NETO2: variants seen among roughly 807,000 people sequenced by gnomAD.
NETO2 encodes neuropilin and tolloid like 2.
Under a neutral mutation model 62.5 loss-of-function variants are expected in NETO2, and 28 were observed. The observed-to-expected ratio is 0.45, with a 90% CI of 0.33 to 0.61. NETO2 has a LOEUF of 0.61. Ranked by LOEUF, NETO2 falls within the 20% of genes least tolerant of loss-of-function variation. The probability of loss-of-function intolerance (pLI) is 0.02; values close to 1 mark genes in which losing one functional copy is unlikely to be tolerated. For synonymous variants in NETO2, 214 were observed against 219.1 expected (o/e 0.98, Z 0.21); for missense variants, 548 against 643.2 (o/e 0.85, Z 1.60).
intron 7 of NETO2, among the ~76,000 whole-genome samples, chr16:47,093,601 G>C (rs751639245): frequency 1.3e-5 from 2 of 152,170 alleles, no homozygotes; most frequent in Non-Finnish European, 2.9e-5. Context: ...GAAATGCATG[G>C]AAAGCAGGTA....
intron 4 of NETO2, among the ~76,000 whole-genome samples, chr16:47,124,955 G>A (rs9328707): frequency 0.092 from 13,970 of 152,166 alleles, 1,231 homozygotes; most frequent in African/African-American, 0.23. Context: ...GCCATTTAAA[G>A]TTGCTCTCAT....
In NETO2 at chr16:47,086,359, T is replaced by C; in HGVS notation, c.884-20A>G. On this transcript the variant is annotated intron_variant, in intron 7 of 8. Transcript: ENST00000562435. ...AGGGAGCTGCAGGAAGAGAAAACAG[T>C]GTTGCAAAGAGCAGGCAGACCACCT... The C allele has an allele frequency of 6.5e-7, 1 of 1,541,516 alleles. No individual in the cohort carries two copies. Among genetic ancestry groups the C allele is most frequent in the Non-Finnish European group, 9.0e-7 (1 of 1,114,440 alleles).
chr16:47,143,507 G>A (rs1237398976), intron 1 of NETO2, 72 bp downstream of exon 1: 6 of 1,213,638 alleles, frequency 4.9e-6, no homozygotes, highest in Non-Finnish European at 6.2e-6. Flanking sequence ...GGGACGCAGA[G>A]GCGCGGGCAG....
Position 47,083,636 on chromosome 16 carries a change from C to G in NETO2, c.1163G>C (p.Gly388Ala), listed in dbSNP as rs572763783. 4 of 1,614,020 alleles carry G rather than the reference C, an allele frequency of 2.5e-6. No individual in the cohort carries two copies. The Admixed American group carries it at 5.0e-5, about 20-fold the overall frequency. The change falls in exon 9 of 9, where the codon GGG becomes GCG. Residue 388 changes from glycine (G) to alanine (A), a missense_variant. By Grantham distance (60) the Gly-to-Ala change is moderately conservative. Coordinates refer to ENST00000562435, the MANE Select transcript of NETO2 (RefSeq NM_018092.5). ...MACKTAFNKTGFQEVFDPPHY... is the reference protein window; with the variant it reads ...MACKTAFNKTAFQEVFDPPHY... ...AGGAGGATCAAACACTTCTTGGAAC[C>G]CGGTTTTATTAAAAGCGGTTTTGCA...
At chr16:47,139,524 G>GT (rs1400013616) in intron 1 of NETO2, among the ~76,000 whole-genome samples, 1 of 152,112 alleles carries the variant, frequency 6.6e-6, no homozygotes, top group Non-Finnish European at 1.5e-5. Flanking sequence ...CACCTACCTG[G>GT]TCTCTCTGCT....
intron 7 of NETO2, 136 bp downstream of exon 7, chr16:47,109,347 T>C (rs1963739230): frequency 4.9e-6 from 2 of 408,792 alleles, no homozygotes; most frequent in Non-Finnish European, 8.6e-6. Flanking sequence ...AATAATATTC[T>C]TGCATTAAAA....
intron 1 of NETO2, among the ~76,000 whole-genome samples, chr16:47,135,680 T>C (rs1015231438): frequency 2.6e-5 from 4 of 152,116 alleles, no homozygotes; most frequent in South Asian, 2.1e-4. Flanking sequence ...CCTGAATCAC[T>C]GTCATTTTAG....
At chr16:47,102,131 A>G (rs902489293) in intron 7 of NETO2, among the ~76,000 whole-genome samples, 4 of 152,212 alleles carry the variant, frequency 2.6e-5, no homozygotes, top group East Asian at 1.9e-4. Context: ...ACAACGTCAC[A>G]TATCTACAAC....
intron 7 of NETO2, among the ~76,000 whole-genome samples, chr16:47,104,077 G>A (rs1458051823): frequency 6.6e-6 from 1 of 151,994 alleles, no homozygotes; most frequent in Admixed American, 6.6e-5. Context: ...AAGATAAAAG[G>A]TTTTCTCTGT....
intron 6 of NETO2, among the ~76,000 whole-genome samples, chr16:47,118,775 C>A (rs1486985297): frequency 6.6e-6 from 1 of 152,170 alleles, no homozygotes; most frequent in Non-Finnish European, 1.5e-5. Flanking sequence ...AGAGACAAAT[C>A]TCAGACATTA....
Position 47,083,471 on chromosome 16 carries a change from T to C in NETO2, c.1328A>G (p.Gln443Arg). The C allele has an allele frequency of 6.2e-7, 1 of 1,614,214 alleles. No homozygotes were observed. Among genetic ancestry groups the C allele is most frequent in the Non-Finnish European group, 8.5e-7 (1 of 1,180,026 alleles). The change falls in exon 9 of 9, where the codon CAG (glutamine) becomes CGG (arginine). Residue 443 changes from glutamine to arginine, a missense_variant. Transcript: ENST00000562435. Reference protein sequence around the residue: ...RCIHDHHCGSQASSVKQSRTN... With the variant: ...RCIHDHHCGSRASSVKQSRTN... ...CCTGCTTTGTTTGACGCTGGAGGCCTGCGACCCACAGTGGTGGTCGTGGAT... is the reference window on the plus strand; with the variant it reads ...CCTGCTTTGTTTGACGCTGGAGGCCCGCGACCCACAGTGGTGGTCGTGGAT...
Position 47,078,947 on chromosome 16 carries a change from A to C in NETO2, c.*4274T>G, listed in dbSNP as rs1459749929. On this transcript the variant is annotated 3_prime_UTR_variant, in exon 9 of 9. Transcript: ENST00000562435. ...TACATTTCAATTCAGAATGATTGAC[A>C]AGCTTACATGGGCTGCTAAACAGAA... is the stretch of plus-strand genomic sequence containing the variant. The C allele has an allele frequency of 3.3e-5, 5 of 152,238 alleles. No homozygotes were observed. The highest frequency in any genetic ancestry group is 1.5e-5 in the Non-Finnish European group (1 of 68,044). 9.4% of individuals were successfully genotyped at this position (152,238 alleles called of 1,614,324 possible).
rs567983547 is a variant in NETO2 at position 47,143,017 on chromosome 16, G to A, written c.34+562C>T. On this transcript the variant is annotated intron_variant, in intron 1 of 8. Transcript: ENST00000562435. ...CGCCCGCGCGCCGCCCCCGGAGCCC[G>A]CAGTGGTGCCGCAGCCTCCGTGGCC... Among the ~76,000 whole-genome samples the A allele has an allele frequency of 2.0e-5, 3 of 151,958 alleles. No homozygotes were observed. The East Asian group carries it at 5.8e-4, about 29-fold the overall frequency.
At chr16:47,125,015 T>G (rs1964127410) in intron 4 of NETO2, among the ~76,000 whole-genome samples, 1 of 152,222 alleles carries the variant, frequency 6.6e-6, no homozygotes, top group African/African-American at 2.4e-5. Flanking sequence ...CCAAAGTAAG[T>G]ATCTTTACAT....
At chr16:47,116,806 G>C (rs1963932033) in intron 6 of NETO2, among the ~76,000 whole-genome samples, 1 of 152,150 alleles carries the variant, frequency 6.6e-6, no homozygotes, top group Non-Finnish European at 1.5e-5. Flanking sequence ...AGGATGATTT[G>C]GGTTGTGTAT....
At chr16:47,131,814 T>G (rs1964270967) in intron 2 of NETO2, among the ~76,000 whole-genome samples, 155 bp downstream of exon 2, 1 of 152,182 alleles carries the variant, frequency 6.6e-6, no homozygotes, top group Non-Finnish European at 1.5e-5. Context: ...GCAGCTAAAC[T>G]CAGTTAAATT....
At chr16:47,103,442 T>TA (rs1445897893) in intron 7 of NETO2, among the ~76,000 whole-genome samples, 1 of 151,156 alleles carries the variant, frequency 6.6e-6, no homozygotes, top group Admixed American at 6.6e-5. Context: ...ATTGTAATAA[T>TA]AAAAAAAAAT....
chr16:47,118,016 T>A (rs1412200312), intron 6 of NETO2, among the ~76,000 whole-genome samples: 1 of 152,228 alleles, frequency 6.6e-6, no homozygotes, highest in Non-Finnish European at 1.5e-5. Flanking sequence ...TCATTAAAAA[T>A]TAACCAGATT....
At chr16:47,129,557 AC>A (rs957935605) in intron 2 of NETO2, among the ~76,000 whole-genome samples, 193 bp from the exon 3 acceptor site, 1 of 152,228 alleles carries the variant, frequency 6.6e-6, no homozygotes, top group African/African-American at 2.4e-5. Context: ...CTGGGAGAGG[AC>A]AAGTTTGCCG....
Sources: gnomAD v4.1 joint callset for allele counts (sites outside exome capture counted in the v4.1 genomes callset) on GRCh38, gnomAD v4.1.1 for gene constraint, MANE v1.5 for transcripts, NCBI Gene and HGNC (gene_info 2026-07-23, HGNC 2026-07-21) for gene names.